CCDC85A: variants seen among roughly 807,000 people sequenced by gnomAD.
CCDC85A encodes coiled-coil domain-containing protein 85A.
Under a neutral mutation model 50.2 loss-of-function variants are expected in CCDC85A, and 38 were observed. The ratio of observed to expected loss-of-function variants is 0.76; its 90% confidence interval spans 0.58 to 0.99. The LOEUF (loss-of-function observed/expected upper bound fraction) is 0.99. Among genes scored for constraint, CCDC85A ranks in the 50% least tolerant of loss-of-function variants. The pLI is 0.00. For synonymous variants in CCDC85A, 366 were observed against 301.4 expected (o/e 1.21, Z -2.22); for missense variants, 820 against 742.0 (o/e 1.11, Z -1.22).
At chr2:56,313,359 T>C (rs1672779952) in intron 2 of CCDC85A, among the ~76,000 whole-genome samples, 1 of 152,174 alleles carries the variant, frequency 6.6e-6, no homozygotes, top group Non-Finnish European at 1.5e-5. Context: ...TTATAGTCCT[T>C]ATAGTACCTG....
intron 3 of CCDC85A, among the ~76,000 whole-genome samples, chr2:56,360,614 G>A (rs6747380): frequency 0.2 from 30,768 of 152,032 alleles, 3,315 homozygotes; most frequent in African/African-American, 0.25. Flanking sequence ...CGTGTTAAGG[G>A]CTACCTTTAC....
chr2:56,282,424 T>A (rs1671246368), intron 2 of CCDC85A, among the ~76,000 whole-genome samples: 1 of 152,262 alleles, frequency 6.6e-6, no homozygotes, highest in African/African-American at 2.4e-5. Flanking sequence ...TATCAATTTC[T>A]ACAAAGAAAG....
chr2:56,210,255 C>A (rs574727342), intron 2 of CCDC85A, among the ~76,000 whole-genome samples: 12 of 151,970 alleles, frequency 7.9e-5, no homozygotes, highest in Non-Finnish European at 1.8e-4. Flanking sequence ...TTTTATTTGT[C>A]CCAAATGGTG....
Position 56,192,803 on chromosome 2 carries a change from A to G in CCDC85A, c.603A>G (p.Ala201=). 1 of 1,613,150 alleles carries G rather than the reference A, an allele frequency of 6.2e-7. No homozygotes were observed. Reference sequence around the variant, plus strand: ...TGTGCCAACTCACAGCCTCCACCGCACCCTACGTGCGGGATGTGGGTGACG... The same window carrying G: ...TGTGCCAACTCACAGCCTCCACCGCGCCCTACGTGCGGGATGTGGGTGACG... ...ASLCQLTAST[A]PYVRDVGDGS... is the part of the protein sequence containing the mutation. The change falls in exon 2 of 6, where the codon GCA becomes GCG. Residue 201 remains alanine, a synonymous_variant. Transcript: ENST00000407595. This position sits in a 1 kb window ranked among gnomAD's most constrained non-coding sequence, Gnocchi z 4.7.
intron 3 of CCDC85A, among the ~76,000 whole-genome samples, chr2:56,362,879 T>C (rs971168457): frequency 2.6e-5 from 4 of 152,118 alleles, no homozygotes; most frequent in African/African-American, 9.7e-5. Flanking sequence ...CCCCTTGACC[T>C]CCCAAAGTGC....
At chr2:56,376,064 C>G in intron 5 of CCDC85A, 129 bp downstream of exon 5, 1 of 920,280 alleles carries the variant, frequency 1.1e-6, no homozygotes, top group South Asian at 2.6e-5. Context: ...TATGGTGTAA[C>G]TTTTTAAATC....
intron 2 of CCDC85A, among the ~76,000 whole-genome samples, chr2:56,340,278 A>G (rs968793133): frequency 7.2e-5 from 11 of 152,198 alleles, no homozygotes; most frequent in African/African-American, 2.4e-4. Context: ...ACATAAAATA[A>G]TTGTGTTTCC....
chr2:56,284,325 T>C (rs182272416), intron 2 of CCDC85A, among the ~76,000 whole-genome samples: 427 of 152,322 alleles, frequency 2.8e-3, no homozygotes, highest in Non-Finnish European at 5.5e-3. Context: ...TTTCTGAATA[T>C]AGTGATTTCT....
intron 2 of CCDC85A, among the ~76,000 whole-genome samples, chr2:56,209,857 T>G (rs1677114039): frequency 6.6e-6 from 1 of 152,056 alleles, no homozygotes; most frequent in African/African-American, 2.4e-5. Context: ...GCTTTATAGG[T>G]CATAGATTCC....
chr2:56,265,820 A>G (rs201012261), intron 2 of CCDC85A, among the ~76,000 whole-genome samples: 2 of 70,560 alleles, frequency 2.8e-5, no homozygotes, highest in Non-Finnish European at 6.2e-5. Context: ...AGTAAACCAG[A>G]TTTTGAAGAT....
At chr2:56,301,963 A>G (rs1672225672) in intron 2 of CCDC85A, among the ~76,000 whole-genome samples, 1 of 152,194 alleles carries the variant, frequency 6.6e-6, no homozygotes, top group South Asian at 2.1e-4. Flanking sequence ...TAATTAAAAA[A>G]ATCATAAATA....
At chr2:56,322,793 G>A (rs932489179) in intron 2 of CCDC85A, among the ~76,000 whole-genome samples, 4 of 151,988 alleles carry the variant, frequency 2.6e-5, no homozygotes, top group African/African-American at 9.7e-5. Flanking sequence ...CCCATTACTG[G>A]GCATATACCC....
intron 2 of CCDC85A, among the ~76,000 whole-genome samples, chr2:56,210,510 A>G (rs1395450727): frequency 1.3e-5 from 2 of 151,992 alleles, no homozygotes; most frequent in Admixed American, 1.3e-4. Context: ...AGGAATTTGG[A>G]CAAGGCATAG....
chr2:56,334,832 C>A (rs1673992875), intron 2 of CCDC85A, among the ~76,000 whole-genome samples: 1 of 152,062 alleles, frequency 6.6e-6, no homozygotes, highest in South Asian at 2.1e-4. Flanking sequence ...AGACACAGAG[C>A]TAAGAGAGCT....
At chr2:56,231,576 A>C (rs1668774507) in intron 2 of CCDC85A, among the ~76,000 whole-genome samples, 1 of 152,192 alleles carries the variant, frequency 6.6e-6, no homozygotes, top group Non-Finnish European at 1.5e-5. Context: ...AGAATGAGTC[A>C]GTTGGGTAAA....
chr2:56,192,563 G>C lies in CCDC85A; in HGVS notation c.363G>C (p.Arg121Ser). 2 of 1,613,938 alleles carry C rather than the reference G, an allele frequency of 1.2e-6. No homozygotes were observed. Among genetic ancestry groups the C allele is most frequent in the Non-Finnish European group, 1.7e-6 (2 of 1,179,884 alleles). Reference protein sequence around the residue: ...FLDDDRQKGKRVSREWQRLGR... With the variant: ...FLDDDRQKGKSVSREWQRLGR... ...ATGATGACCGGCAGAAAGGCAAGAGGGTGTCTCGGGAGTGGCAGAGACTGG... is the reference window on the plus strand; with the variant it reads ...ATGATGACCGGCAGAAAGGCAAGAGCGTGTCTCGGGAGTGGCAGAGACTGG... The change falls in exon 2 of 6, where the codon AGG (arginine) becomes AGC (serine). Residue 121 changes from arginine (R) to serine (S), a missense_variant. Arg to Ser is a moderately radical substitution (Grantham distance 110, BLOSUM62 -1). Coordinates refer to ENST00000407595, the MANE Select transcript of CCDC85A (RefSeq NM_001080433.2). The surrounding 1 kb of genome is among the most constrained non-coding windows in gnomAD (Gnocchi z 4.7).
At chr2:56,281,741 G>T (rs889486692) in intron 2 of CCDC85A, among the ~76,000 whole-genome samples, 1 of 151,916 alleles carries the variant, frequency 6.6e-6, no homozygotes, top group African/African-American at 2.4e-5. Flanking sequence ...TGCCTTTTTT[G>T]ATTAGCTGTT....
At chr2:56,294,488 C>T (rs889669818) in intron 2 of CCDC85A, among the ~76,000 whole-genome samples, 1 of 152,156 alleles carries the variant, frequency 6.6e-6, no homozygotes, top group Non-Finnish European at 1.5e-5. Context: ...CATTTTTATT[C>T]ATTCTGTAGG....
At chr2:56,285,356 G>C (rs1314791502) in intron 2 of CCDC85A, among the ~76,000 whole-genome samples, 1 of 150,254 alleles carries the variant, frequency 6.7e-6, no homozygotes, top group East Asian at 1.9e-4. Flanking sequence ...CACCTACCTT[G>C]GCCTCCCAGA....
Sources: gnomAD v4.1 joint callset for allele counts (sites outside exome capture counted in the v4.1 genomes callset) on GRCh38, gnomAD v4.1.1 for gene constraint, Gnocchi (gnomAD v3.1) non-coding constraint, MANE v1.5 for transcripts, NCBI Gene and HGNC (gene_info 2026-07-23, HGNC 2026-07-21) for gene names.